RORA: variants seen among roughly 807,000 people sequenced by gnomAD.
The protein encoded by RORA is nuclear receptor ROR-alpha.
In RORA, 7 loss-of-function variants were observed where a neutral mutation model predicts 69.5. That is an observed-to-expected ratio of 0.10 (90% CI 0.06 to 0.19). The LOEUF is 0.19. Ranked by LOEUF, RORA falls within the 10% of genes least tolerant of loss-of-function variation. The pLI is 1.00. For missense variants in RORA, 457 were observed against 663.0 expected, an observed-to-expected ratio of 0.69 and a Z score of 3.41; for synonymous variants, 261 against 240.8, an observed-to-expected ratio of 1.08 and a Z score of -0.78.
chr15:61,075,550 G>T (rs12915672), intron 1 of RORA, among the ~76,000 whole-genome samples: 1 of 152,186 alleles, frequency 6.6e-6, no homozygotes, highest in South Asian at 2.1e-4. Context: ...TAAGGGTTTG[G>T]GTTGAGCAAA....
At chr15:60,578,765 C>CTTT (rs768047660) in intron 2 of RORA, among the ~76,000 whole-genome samples, 109 of 138,908 alleles carry the variant, frequency 7.8e-4, no homozygotes, top group African/African-American at 2.7e-3. Context: ...TTAAATGAAA[C>CTTT]TTTTTTTTTT....
At chr15:61,167,072 G>C (rs771223430) in intron 1 of RORA, among the ~76,000 whole-genome samples, 9 of 152,264 alleles carry the variant, frequency 5.9e-5, no homozygotes, top group African/African-American at 2.2e-4. Flanking sequence ...AGAATCGGCT[G>C]CACCCCTAAT....
chr15:60,560,105 CCTT>C (rs1239007102), intron 2 of RORA, among the ~76,000 whole-genome samples: 1 of 152,062 alleles, frequency 6.6e-6, no homozygotes. Context: ...CACAGCAACT[CCTT>C]ATTTTGCTCC....
intron 1 of RORA, among the ~76,000 whole-genome samples, chr15:60,849,863 A>T (rs79565156): frequency 1.3e-5 from 2 of 152,260 alleles, no homozygotes; most frequent in Admixed American, 6.5e-5. Flanking sequence ...AGGAGGAGGC[A>T]TCTTGCACAC....
chr15:61,179,987 A>C (rs951002005), intron 1 of RORA, among the ~76,000 whole-genome samples: 1 of 148,738 alleles, frequency 6.7e-6, no homozygotes, highest in Non-Finnish European at 1.5e-5. Flanking sequence ...AAAAAAAACA[A>C]AAAAAAAATA....
intron 1 of RORA, among the ~76,000 whole-genome samples, chr15:60,773,391 T>A (rs944398592): frequency 3.9e-5 from 6 of 152,222 alleles, no homozygotes; most frequent in Non-Finnish European, 7.3e-5. Context: ...AGTATATACA[T>A]GGTCCTTTAG....
chr15:60,594,384 C>G (rs143622388), intron 2 of RORA, among the ~76,000 whole-genome samples: 6 of 152,212 alleles, frequency 3.9e-5, no homozygotes, highest in African/African-American at 1.4e-4. Flanking sequence ...ATAAGCAGGT[C>G]CCAGGTACAA....
At chr15:60,709,762 A>C (rs1399794251) in intron 1 of RORA, among the ~76,000 whole-genome samples, 1 of 152,020 alleles carries the variant, frequency 6.6e-6, no homozygotes, top group African/African-American at 2.4e-5. Flanking sequence ...TAATTATTTC[A>C]TTATATATTA....
intron 1 of RORA, among the ~76,000 whole-genome samples, chr15:61,134,288 G>T (rs796148136): frequency 7.2e-5 from 11 of 152,318 alleles, no homozygotes; most frequent in African/African-American, 2.2e-4. Context: ...TCATCAGTTT[G>T]ATTTTAAAAA....
At chr15:61,222,193 T>G (rs2080104049) in intron 1 of RORA, among the ~76,000 whole-genome samples, 1 of 152,140 alleles carries the variant, frequency 6.6e-6, no homozygotes, top group Non-Finnish European at 1.5e-5. Context: ...TACTCTCAGC[T>G]GTCAGTGGGT....
At chr15:60,707,422 G>A (rs1273633555) in intron 1 of RORA, among the ~76,000 whole-genome samples, 1 of 151,306 alleles carries the variant, frequency 6.6e-6, no homozygotes, top group East Asian at 1.9e-4. Flanking sequence ...GGAGTGCAAT[G>A]GCGTGATCTC....
At chr15:60,807,790 A>G (rs1437165685) in intron 1 of RORA, among the ~76,000 whole-genome samples, 1 of 152,214 alleles carries the variant, frequency 6.6e-6, no homozygotes, top group Non-Finnish European at 1.5e-5. Flanking sequence ...CAGCCAACTG[A>G]TCTTCAACAA....
chr15:60,557,306 G>T (rs1372893162), intron 2 of RORA, among the ~76,000 whole-genome samples: 1 of 152,168 alleles, frequency 6.6e-6, no homozygotes, highest in Non-Finnish European at 1.5e-5. Flanking sequence ...AACTGTTATG[G>T]TTATCGGAGA....
chr15:61,144,611 A>G (rs2079328941), intron 1 of RORA, among the ~76,000 whole-genome samples: 1 of 152,238 alleles, frequency 6.6e-6, no homozygotes, highest in African/African-American at 2.4e-5. Flanking sequence ...CAAAACAAGT[A>G]TCATCTCTCT....
chr15:61,168,930 G>C (rs189141806), intron 1 of RORA, among the ~76,000 whole-genome samples: 3 of 152,250 alleles, frequency 2.0e-5, no homozygotes, highest in Admixed American at 2.0e-4. Context: ...ACCTGCCTTG[G>C]AGTGACCTCT....
chr15:61,193,808 G>A (rs184298089), intron 1 of RORA, among the ~76,000 whole-genome samples: 1 of 152,306 alleles, frequency 6.6e-6, no homozygotes, highest in Admixed American at 6.5e-5. Flanking sequence ...TAGTGACAGT[G>A]TCAAGTGTCA....
chr15:60,901,405 C>G (rs1354353607), intron 1 of RORA, among the ~76,000 whole-genome samples: 1 of 152,230 alleles, frequency 6.6e-6, no homozygotes, highest in African/African-American at 2.4e-5. Flanking sequence ...CTCCTGACCT[C>G]AGGTGATCTG....
rs148960578 is a variant in RORA at position 60,856,548 on chromosome 15, G to T, written c.167-177862C>A. Among the ~76,000 whole-genome samples, 172 of 148,548 alleles carry T rather than the reference G, an allele frequency of 1.2e-3. 1 individual carries two copies. Among genetic ancestry groups the T allele is most frequent in the African/African-American group, 3.1e-3 (124 of 40,438 alleles). Reference sequence around the variant, plus strand: ...TTAGATATTATCAAAATATTTACAAGACAAAGATAAGTCATCGATGCAAAT... The same window carrying T: ...TTAGATATTATCAAAATATTTACAATACAAAGATAAGTCATCGATGCAAAT... On this transcript the variant is annotated intron_variant, in intron 1 of 10. Coordinates refer to ENST00000335670, the MANE Select transcript of RORA (RefSeq NM_134261.3).
chr15:60,546,114 C>T (rs1335290095), intron 2 of RORA, among the ~76,000 whole-genome samples: 1 of 152,198 alleles, frequency 6.6e-6, no homozygotes. Context: ...TACTATGTGG[C>T]ATCTCCATCA....
Sources: gnomAD v4.1 joint callset for allele counts (sites outside exome capture counted in the v4.1 genomes callset) on GRCh38, gnomAD v4.1.1 for gene constraint, MANE v1.5 for transcripts, NCBI Gene and HGNC (gene_info 2026-07-23, HGNC 2026-07-21) for gene names.